XPO5: variants seen among roughly 807,000 people sequenced by gnomAD.
XPO5 encodes exportin 5.
XPO5 carries 46 observed loss-of-function variants against 160.6 expected under a neutral mutation model. The observed-to-expected ratio is 0.29, with a 90% CI of 0.23 to 0.37. XPO5 has a LOEUF of 0.37. XPO5 is among the 10% of genes least tolerant of loss of function. The pLI is 1.00. For synonymous variants in XPO5, 537 were observed against 519.3 expected, an observed-to-expected ratio of 1.03 and a Z score of -0.46; for missense variants, 1,090 against 1,463.9, an observed-to-expected ratio of 0.74 and a Z score of 4.17.
chr6:43,553,583 A>T, intron 13 of XPO5, 80 bp from the exon 14 acceptor site: 3 of 1,499,902 alleles, frequency 2.0e-6, no homozygotes, highest in Non-Finnish European at 2.7e-6. Flanking sequence ...GAAGACACAG[A>T]GAGACAATGG....
intron 20 of XPO5, among the ~76,000 whole-genome samples, chr6:43,541,179 C>A (rs1794673293): frequency 6.6e-6 from 1 of 152,162 alleles, no homozygotes; most frequent in East Asian, 1.9e-4. Flanking sequence ...TGAATAAGAT[C>A]TAGTATTTCC....
At chr6:43,574,888 A>G (rs1763217774) in intron 1 of XPO5, among the ~76,000 whole-genome samples, 1 of 151,792 alleles carries the variant, frequency 6.6e-6, no homozygotes, top group African/African-American at 2.4e-5. Flanking sequence ...GCAGACATCT[A>G]CATATTGTAA....
chr6:43,526,537 G>A (rs893042761), intron 27 of XPO5, 148 bp downstream of exon 27: 9 of 823,006 alleles, frequency 1.1e-5, no homozygotes, highest in Non-Finnish European at 6.0e-6. Flanking sequence ...GTATGATGGA[G>A]GCACACAGCA....
At chr6:43,566,717 G>T in intron 7 of XPO5, 1 of 299,022 alleles carries the variant, frequency 3.3e-6, no homozygotes, top group South Asian at 2.7e-5. Context: ...AGCTGAGGCA[G>T]GAGAATCGCT....
At chr6:43,561,122 G>A in intron 9 of XPO5, 115 bp from the exon 10 acceptor site, 1 of 860,262 alleles carries the variant, frequency 1.2e-6, no homozygotes, top group Non-Finnish European at 1.9e-6. Flanking sequence ...GTTTCAAAAG[G>A]ACTTTGTATT....
chr6:43,568,965 A>C (rs1408794514), intron 5 of XPO5, among the ~76,000 whole-genome samples: 1 of 152,264 alleles, frequency 6.6e-6, no homozygotes. Context: ...ACATGTATGT[A>C]TAGCCTAAGT....
Position 43,567,305 on chromosome 6 carries a change from C to G in XPO5, c.698G>C (p.Gly233Ala). Residue 233 changes from glycine (G) to alanine (A), a missense_variant, in exon 7 of 32, where the codon GGC (glycine) becomes GCC (alanine). Transcript: ENST00000265351. ...VGVAALNTLA[G>A]YIDWVSMSHI... ...ACTCATAGACACCCAGTCAATATAG[C>G]CTGCTAGAGTATTCAGTGCTGCAAC... 6.2e-7 allele frequency: 1 copy of G among 1,613,704 alleles called. No individual in the cohort carries two copies. Among genetic ancestry groups the G allele is most frequent in the Non-Finnish European group, 8.5e-7 (1 of 1,179,782 alleles).
chr6:43,549,024 C>T (rs1415415687), intron 17 of XPO5, among the ~76,000 whole-genome samples: 1 of 152,170 alleles, frequency 6.6e-6, no homozygotes, highest in African/African-American at 2.4e-5. Context: ...ACATTTCTAA[C>T]TATACTACTA....
rs1241615002 is a variant in XPO5 at position 43,523,878 on chromosome 6, A to G, written c.3605T>C (p.Phe1202Ser). Residue 1202 changes from phenylalanine (F) to serine (S), a missense_variant, in exon 32 of 32, where the codon TTT becomes TCT. Physicochemically the swap from Phe to Ser is radical, Grantham distance 155. Coordinates refer to ENST00000265351, the MANE Select transcript of XPO5 (RefSeq NM_020750.3). ...DNDGGGLATI[F>S]EP ...GCCCAAAAGCTTGATTCAGGGTTCA[A>G]AGATGGTGGCCAGGCCACCCCCATC... 17 of 1,613,900 alleles carry G rather than the reference A, an allele frequency of 1.1e-5. No homozygotes were observed. Among genetic ancestry groups the G allele is most frequent in the Non-Finnish European group, 1.4e-5 (17 of 1,179,896 alleles).
In XPO5 at chr6:43,575,991, A is replaced by G; in HGVS notation, c.-127T>C. 1.2e-6 allele frequency: 1 copy of G among 847,218 alleles called. No homozygotes were observed. The allele number at this position is 847,218 out of a possible 1,614,324, so 52.5% of individuals were successfully genotyped here. On this transcript the variant is annotated 5_prime_UTR_variant, in exon 1 of 32. Coordinates refer to ENST00000265351, the MANE Select transcript of XPO5 (RefSeq NM_020750.3). Reference sequence around the variant, plus strand: ...GGCGGCGGGGGTGGGAAGCTGGAGGAGGAGCGTTAGCAGCAACTCGCGCTG... The same window carrying G: ...GGCGGCGGGGGTGGGAAGCTGGAGGGGGAGCGTTAGCAGCAACTCGCGCTG...
intron 1 of XPO5, among the ~76,000 whole-genome samples, chr6:43,575,255 G>C (rs1323312048): frequency 1.3e-5 from 2 of 152,240 alleles, no homozygotes; most frequent in Non-Finnish European, 2.9e-5. Context: ...ACAAACGAAA[G>C]TTAGCGAGAT....
chr6:43,525,109 G>C lies in XPO5; in HGVS notation c.3172C>G (p.Gln1058Glu), dbSNP rs1202916482. 2 of 1,573,234 alleles carry C rather than the reference G, an allele frequency of 1.3e-6. No homozygotes were observed. The highest frequency in any genetic ancestry group is 1.7e-4 in the Middle Eastern group (1 of 6,020). ...TSQLCWPLLK[Q>E]VLSGTLLADA... ...GGAAAAGGGGTGAATAACCATACTT[G>C]TTTGAGGAGAGGCCAGCAGAGCTGT... Residue 1058 changes from glutamine to glutamate, a missense_variant and splice_region_variant, in exon 29 of 32, where the codon CAA (glutamine) becomes GAA (glutamate). Gln to Glu is a conservative substitution (Grantham distance 29). Coordinates refer to ENST00000265351, the MANE Select transcript of XPO5 (RefSeq NM_020750.3).
rs1306442225 is a variant in XPO5, at chr6:43,539,617, GA to G, written c.2343-5611del. 12 of 1,373,790 alleles carry G rather than the reference GA, an allele frequency of 8.7e-6. No homozygotes were observed. The Admixed American group carries it at 2.3e-4, about 26-fold the overall frequency. The allele number at this position is 1,373,790 out of a possible 1,614,324, so 85.1% of individuals were successfully genotyped here. A position where few individuals can be genotyped will look rare whatever the true frequency, so the allele number is the denominator to read the frequency against. ...GACCCCGGCCCCGGATGCCACTGGC[GA>G]AACCTCTGCGGAAGCCACCGCGGTT... On this transcript the variant is annotated intron_variant, in intron 20 of 31. Transcript: ENST00000265351.
Position 43,555,958 on chromosome 6 carries a change from C to T in XPO5, c.1319G>A (p.Arg440Gln). ...EDFNAFFNSS[R>Q]AQQGEVMRLA... The stretch of plus-strand genomic sequence containing the variant: ...CCTCATCACCTCTCCTTGTTGTGCT[C>T]GGGAGGCTGCCAAGAGAAAATGCCA... The change falls in exon 13 of 32, where the codon CGA becomes CAA. Residue 440 changes from arginine (R) to glutamine (Q), a missense_variant. By Grantham distance (43) the Arg-to-Gln change is conservative. Transcript: ENST00000265351. 1 of 1,613,392 alleles carries T rather than the reference C, an allele frequency of 6.2e-7. No individual in the cohort carries two copies. Among genetic ancestry groups the T allele is most frequent in the Non-Finnish European group, 8.5e-7 (1 of 1,179,660 alleles).
intron 24 of XPO5, 105 bp downstream of exon 24, chr6:43,528,721 GCA>G: frequency 1.9e-6 from 2 of 1,067,222 alleles, no homozygotes; most frequent in African/African-American, 3.2e-5. Flanking sequence ...AGCCAGTCTG[GCA>G]GGGCTAGTAG....
At chr6:43,550,652 T>G (rs1308393110) in intron 15 of XPO5, among the ~76,000 whole-genome samples, 1 of 152,274 alleles carries the variant, frequency 6.6e-6, no homozygotes, top group African/African-American at 2.4e-5. Flanking sequence ...TTCTAGAGTC[T>G]AGATCTTCAA....
In XPO5 at chr6:43,522,573, G is replaced by A; in HGVS notation, c.*1295C>T. The A allele has an allele frequency of 3.3e-6, 1 of 305,860 alleles. No homozygotes were observed. Among genetic ancestry groups the A allele is most frequent in the South Asian group, 2.6e-5 (1 of 39,080 alleles). The allele number at this position is 305,860 out of a possible 1,614,324, so 18.9% of individuals were successfully genotyped here. On this transcript the variant is annotated 3_prime_UTR_variant, in exon 32 of 32. Coordinates refer to ENST00000265351, the MANE Select transcript of XPO5 (RefSeq NM_020750.3). The stretch of plus-strand genomic sequence containing the variant: ...CCTTCACGATCCACAGAAACCCAGA[G>A]CACCACACAGGAAGAGGGAGCAACA...
At chr6:43,566,396 AAAAT>A (rs1005359857) in intron 7 of XPO5, among the ~76,000 whole-genome samples, 2 of 152,062 alleles carry the variant, frequency 1.3e-5, no homozygotes, top group Admixed American at 6.6e-5. Context: ...TCCATCTCAA[AAAAT>A]AAATAAATAA....
chr6:43,563,482 C>T (rs1762516587), intron 8 of XPO5, among the ~76,000 whole-genome samples: 1 of 152,158 alleles, frequency 6.6e-6, no homozygotes, highest in African/African-American at 2.4e-5. Flanking sequence ...CATGGAAGCC[C>T]TTACAGTCAT....
Sources: allele counts gnomAD v4.1 joint callset (sites outside exome capture counted in the v4.1 genomes callset), GRCh38; gene constraint gnomAD v4.1.1; transcripts MANE v1.5; gene names NCBI Gene and HGNC (gene_info 2026-07-23, HGNC 2026-07-21).